Variants in PIGN observed in about 807,000 individuals in gnomAD.
PIGN encodes GPI ethanolamine phosphate transferase 1.
A neutral mutation model predicts 125.4 loss-of-function variants in PIGN; 117 were observed. The ratio of observed to expected loss-of-function variants is 0.93; its 90% CI spans 0.80 to 1.09. The LOEUF (loss-of-function observed/expected upper bound fraction) is 1.09. PIGN is among the 50% of genes least tolerant of loss of function. The pLI, the probability that PIGN is intolerant of heterozygous loss-of-function variation, is 0.00. For missense variants in PIGN, 1,075 were observed against 1,094.9 expected (o/e 0.98, Z 0.26); for synonymous variants, 392 against 377.8 (o/e 1.04, Z -0.44).
intron 28 of PIGN, chr18:62,075,657 G>A (rs2033133133): frequency 6.6e-6 from 1 of 152,112 alleles, no homozygotes; most frequent in South Asian, 2.1e-4. Context: ...TACAAATAAA[G>A]CTTTTATAAA....
intron 14 of PIGN, among the ~76,000 whole-genome samples, chr18:62,118,175 C>G (rs1025296484): frequency 1.3e-5 from 2 of 151,564 alleles, no homozygotes; most frequent in Non-Finnish European, 2.9e-5. Flanking sequence ...GCAACTTTGC[C>G]TCCAAAGAAA....
chr18:62,078,394 G>A (rs2033282220), intron 28 of PIGN, among the ~76,000 whole-genome samples: 1 of 152,160 alleles, frequency 6.6e-6, no homozygotes, highest in Non-Finnish European at 1.5e-5. Context: ...CCTGCTCAAG[G>A]TCACACAGCT....
At chr18:62,087,229 AG>A (rs1336880374) in intron 25 of PIGN, among the ~76,000 whole-genome samples, 1 of 152,176 alleles carries the variant, frequency 6.6e-6, no homozygotes, top group Non-Finnish European at 1.5e-5. Context: ...ATAGAGAAGA[AG>A]AATAGAAGTG....
At chr18:62,057,137 A>AT (rs2145293071) in intron 30 of PIGN, among the ~76,000 whole-genome samples, 1 of 151,914 alleles carries the variant, frequency 6.6e-6, no homozygotes, top group South Asian at 2.1e-4. Context: ...GATATCACCC[A>AT]TTTTTCCTTC....
At chr18:62,137,356 C>A in intron 14 of PIGN, 1 of 380,296 alleles carries the variant, frequency 2.6e-6, no homozygotes, top group South Asian at 1.3e-4. Flanking sequence ...CTTCTTTACT[C>A]CTCATATTGC....
intron 7 of PIGN, 53 bp downstream of exon 7, chr18:62,154,492 A>G (rs1165881046): frequency 2.4e-6 from 2 of 846,770 alleles, no homozygotes; most frequent in Non-Finnish European, 4.0e-6. Flanking sequence ...ACAGTCTCCA[A>G]TACTTCAGGT....
chr18:62,071,863 C>CATATATATATATATATATATGTATATAT (rs2032872627), intron 30 of PIGN, among the ~76,000 whole-genome samples: 2 of 77,606 alleles, frequency 2.6e-5, no homozygotes, highest in African/African-American at 9.1e-5. Context: ...ACTCCTTTTC[C>CATATATATATATATATATATGTATATAT]ATATATATAT....
downstream of PIGN, among the ~76,000 whole-genome samples, chr18:62,040,094 T>C (rs112393456): frequency 0.13 from 10,943 of 83,388 alleles, 1,368 homozygotes; most frequent in Middle Eastern, 0.19. Context: ...CCGCACCCCA[T>C]GTTTAGGGCC....
chr18:62,074,728 T>A (rs1294052045), intron 29 of PIGN, 51 bp downstream of exon 29: 1 of 1,185,158 alleles, frequency 8.4e-7, no homozygotes, highest in Admixed American at 2.1e-5. Context: ...TTTATTAAAT[T>A]AACCCAGGAC....
At chr18:62,054,208 T>C (rs1049506523) in intron 30 of PIGN, among the ~76,000 whole-genome samples, 1 of 152,056 alleles carries the variant, frequency 6.6e-6, no homozygotes, top group Non-Finnish European at 1.5e-5. Flanking sequence ...TCACACTATA[T>C]ACAAAAATTA....
chr18:62,112,294 T>C (rs541782930), intron 16 of PIGN, among the ~76,000 whole-genome samples: 1 of 152,196 alleles, frequency 6.6e-6, no homozygotes, highest in East Asian at 1.9e-4. Context: ...TAATAAAATA[T>C]AAAATTGGAA....
intron 1 of PIGN, among the ~76,000 whole-genome samples, chr18:62,172,861 A>G (rs2147849679): frequency 6.6e-6 from 1 of 152,336 alleles, no homozygotes; most frequent in Non-Finnish European, 1.5e-5. Context: ...GGATTCTAGT[A>G]AAGCCACTGT....
intron 28 of PIGN, among the ~76,000 whole-genome samples, chr18:62,078,524 C>T (rs1290877766): frequency 1.3e-5 from 2 of 152,216 alleles, no homozygotes; most frequent in African/African-American, 4.8e-5. Context: ...AGCATCTTCA[C>T]CACGTTCCTT....
chr18:62,093,363 TAA>T (rs1471124934), intron 23 of PIGN, among the ~76,000 whole-genome samples: 1 of 152,086 alleles, frequency 6.6e-6, no homozygotes, highest in Non-Finnish European at 1.5e-5. Flanking sequence ...ATAGTTCATA[TAA>T]AGTCTGTATA....
In PIGN at chr18:62,102,862, C is replaced by G. The variant is rs1400270879; in HGVS notation, c.1900G>C (p.Val634Leu). ...TTTCTTTTCATGAGAGATGTTACAA[C>G]ACACAGGGATAACAGAAGAACCAGC... is the stretch of plus-strand genomic sequence containing the variant. Reference protein sequence around the residue: ...GLLVLLLSLCVVTSLMKRKDS... With the variant: ...GLLVLLLSLCLVTSLMKRKDS... Residue 634 changes from valine (V) to leucine (L), a missense_variant, in exon 21 of 31, where the codon GTT (valine) becomes CTT (leucine). By Grantham distance (32) the Val-to-Leu change is conservative (BLOSUM62 1). This residue lies in a region of PIGN where 915 missense variants were observed against 908.7 expected (regional missense o/e 1.01). Coordinates refer to ENST00000640252, the MANE Select transcript of PIGN (RefSeq NM_176787.5). 1 of 1,587,494 alleles carries G rather than the reference C, an allele frequency of 6.3e-7. No individual in the cohort carries two copies. Among genetic ancestry groups the G allele is most frequent in the South Asian group, 1.2e-5 (1 of 86,496 alleles).
At chr18:62,100,249 A>G (rs1028717249) in intron 22 of PIGN, among the ~76,000 whole-genome samples, 2 of 152,220 alleles carry the variant, frequency 1.3e-5, no homozygotes, top group African/African-American at 2.4e-5. Flanking sequence ...AGAAATGCAA[A>G]TCAAAACCAC....
At chr18:62,133,868 CTT>C (rs1284198231) in intron 14 of PIGN, among the ~76,000 whole-genome samples, 2 of 152,116 alleles carry the variant, frequency 1.3e-5, no homozygotes, top group African/African-American at 2.4e-5. Context: ...CATAATAACT[CTT>C]TTTCATTTCT....
At position 62,041,331 on chromosome 18, in the gene PIGN, T is replaced by C. The variant is rs1380920598; in HGVS notation, c.*4525A>G. On this transcript the variant is annotated 3_prime_UTR_variant, in exon 31 of 31. Coordinates refer to ENST00000640252, the MANE Select transcript of PIGN (RefSeq NM_176787.5). The stretch of plus-strand genomic sequence containing the variant: ...AGACTAAATGATGACAGGTGTAATA[T>C]ATACAGAGGCAGGAAAAATTGCAGG... 1 of 152,156 alleles carries C rather than the reference T, an allele frequency of 6.6e-6. No individual in the cohort carries two copies. Among genetic ancestry groups the C allele is most frequent in the Non-Finnish European group, 1.5e-5 (1 of 68,026 alleles). 9.4% of individuals were successfully genotyped at this position (152,156 alleles called of 1,614,324 possible).
chr18:62,018,213 A>G (rs2030005743), intron 23 of PIGN, among the ~76,000 whole-genome samples: 1 of 152,218 alleles, frequency 6.6e-6, no homozygotes, highest in South Asian at 2.1e-4. Flanking sequence ...GGGAAGCTTC[A>G]CAAAAGAATC....
Sources: gnomAD v4.1 joint callset for allele counts (sites outside exome capture counted in the v4.1 genomes callset) on GRCh38, gnomAD v4.1.1 for gene constraint, gnomAD v4.1.1 regional missense constraint, MANE v1.5 for transcripts, NCBI Gene and HGNC (gene_info 2026-07-23, HGNC 2026-07-21) for gene names.